Variants in NCKAP5 observed in about 807,000 individuals in gnomAD.
NCKAP5 encodes the protein nck-associated protein 5.
In NCKAP5, 92 loss-of-function variants were observed where a neutral mutation model predicts 167.0. The observed-to-expected ratio is 0.55, with a 90% CI of 0.47 to 0.66. The LOEUF is 0.66. Ranked by LOEUF, NCKAP5 falls within the 30% of genes least tolerant of loss-of-function variation. NCKAP5 has a pLI of 0.00. For synonymous variants in NCKAP5, 891 were observed against 877.4 expected (o/e 1.02, Z -0.27); for missense variants, 2,378 against 2,315.0 (o/e 1.03, Z -0.56).
chr2:133,014,342 A>G (rs1306080756), intron 6 of NCKAP5, among the ~76,000 whole-genome samples: 6 of 152,196 alleles, frequency 3.9e-5, no homozygotes, highest in African/African-American at 1.2e-4. Flanking sequence ...TTTCCCTCGT[A>G]GAATGTGACT....
Position 132,673,029 on chromosome 2 carries a change from C to A in NCKAP5, c.*260G>T. 1 of 1,003,600 alleles carries A rather than the reference C, an allele frequency of 1.0e-6. No homozygotes were observed. The highest frequency in any genetic ancestry group is 1.2e-6 in the Non-Finnish European group (1 of 847,902). 62.2% of individuals were successfully genotyped at this position (1,003,600 alleles called of 1,614,324 possible). A position where few individuals can be genotyped will look rare whatever the true frequency, so the allele number is the denominator to read the frequency against. ...ACTAAGGGAAGAGATGTCCTTTATA[C>A]ATCATTTGAACCTTGACTGGCACAG... On this transcript the variant is annotated 3_prime_UTR_variant, in exon 20 of 20. Transcript: ENST00000409261.
chr2:133,624,382 T>G, the NCKAP5 span, among the ~76,000 whole-genome samples: 2 of 152,116 alleles, frequency 1.3e-5, no homozygotes, highest in Admixed American at 1.3e-4. Flanking sequence ...TCACGTCTCA[T>G]CTCTTAGGAG....
the NCKAP5 span, among the ~76,000 whole-genome samples, chr2:133,638,933 G>A: frequency 6.6e-6 from 1 of 151,512 alleles, no homozygotes; most frequent in Non-Finnish European, 1.5e-5. Context: ...AGAAGTACTT[G>A]CAATGTGTAA....
At chr2:132,746,700 C>T (rs758721205) in intron 16 of NCKAP5, among the ~76,000 whole-genome samples, 25 of 152,096 alleles carry the variant, frequency 1.6e-4, no homozygotes, top group Non-Finnish European at 3.2e-4. Context: ...ATAATAGCCC[C>T]AACCGGAAAC....
intron 6 of NCKAP5, among the ~76,000 whole-genome samples, chr2:133,060,545 G>A (rs530666128): frequency 1.8e-4 from 27 of 152,208 alleles, no homozygotes; most frequent in African/African-American, 1.4e-4. Context: ...TCTCTCTCCC[G>A]TTTTCTAGCC....
intron 5 of NCKAP5, among the ~76,000 whole-genome samples, chr2:133,153,206 A>T (rs2083443351): frequency 6.6e-6 from 1 of 152,216 alleles, no homozygotes; most frequent in Non-Finnish European, 1.5e-5. Flanking sequence ...AATGCTGTAT[A>T]TATGACATTT....
rs1010935447 is a variant in NCKAP5 at position 132,825,441 on chromosome 2, G to A, written c.808-28712C>T. On this transcript the variant is annotated intron_variant, in intron 11 of 19. Transcript: ENST00000409261. The stretch of plus-strand genomic sequence containing the variant: ...AAGGGAGGTGACTAAGAGTTAAAAC[G>A]TTAATGGCCTCTTCAGTTACACTGA... 2.6e-5 allele frequency among the ~76,000 whole-genome samples: 4 copies of A among 152,182 alleles called. No individual in the cohort carries two copies. In the East Asian group the frequency reaches 5.8e-4, roughly 22 times the overall value.
chr2:133,585,964 G>A, the NCKAP5 span, among the ~76,000 whole-genome samples: 1 of 152,164 alleles, frequency 6.6e-6, no homozygotes, highest in African/African-American at 2.4e-5. Flanking sequence ...TCTTGGCATG[G>A]TGCTGATCAT....
chr2:133,469,865 C>A (rs961880245), intron 3 of NCKAP5, among the ~76,000 whole-genome samples: 5 of 150,776 alleles, frequency 3.3e-5, no homozygotes, highest in Non-Finnish European at 5.9e-5. Flanking sequence ...GCTCCATCAG[C>A]TCCTTTAAGC....
intron 5 of NCKAP5, among the ~76,000 whole-genome samples, chr2:133,194,399 G>C (rs1233090779): frequency 6.6e-6 from 1 of 151,954 alleles, no homozygotes; most frequent in Non-Finnish European, 1.5e-5. Context: ...CATACGGTAG[G>C]AACAATACTT....
Position 132,967,881 on chromosome 2 carries a change from T to C in NCKAP5, c.430-4012A>G, listed in dbSNP as rs377728517. 1.4e-4 allele frequency among the ~76,000 whole-genome samples: 21 copies of C among 152,300 alleles called. No homozygotes were observed. In the East Asian group the frequency reaches 2.7e-3, roughly 20 times the overall value. ...TAGAGAGTGGTGTGGTTAGGGGCAA[T>C]GTTAGATGTGCTAACAACAGAGTGA... On this transcript the variant is annotated intron_variant, in intron 7 of 19. Coordinates refer to ENST00000409261, the MANE Select transcript of NCKAP5 (RefSeq NM_207363.3).
intron 7 of NCKAP5, among the ~76,000 whole-genome samples, chr2:132,987,996 G>A (rs909544598): frequency 6.6e-6 from 1 of 152,152 alleles, no homozygotes; most frequent in Non-Finnish European, 1.5e-5. Flanking sequence ...CATAGTGACT[G>A]GTACACTGCA....
At chr2:133,114,464 C>G (rs560760294) in intron 6 of NCKAP5, among the ~76,000 whole-genome samples, 18 of 152,254 alleles carry the variant, frequency 1.2e-4, no homozygotes, top group Admixed American at 9.2e-4. Flanking sequence ...ATAGGTATGT[C>G]TTTTAAATAT....
intron 3 of NCKAP5, among the ~76,000 whole-genome samples, chr2:133,508,247 T>C (rs16826003): frequency 0.076 from 11,597 of 152,178 alleles, 682 homozygotes; most frequent in East Asian, 0.3. Context: ...TCTCAATAAA[T>C]TTCTGCTTCA....
At chr2:132,950,588 A>T (rs2149141953) in intron 8 of NCKAP5, among the ~76,000 whole-genome samples, 1 of 152,318 alleles carries the variant, frequency 6.6e-6, no homozygotes, top group South Asian at 2.1e-4. Context: ...AAAAGGAAAA[A>T]GGCTGTTTGT....
chr2:133,634,916 G>A, the NCKAP5 span, among the ~76,000 whole-genome samples: 1 of 150,854 alleles, frequency 6.6e-6, no homozygotes, highest in Admixed American at 6.6e-5. Context: ...CACCCAGGTT[G>A]GAATACAGTG....
intron 2 of NCKAP5, among the ~76,000 whole-genome samples, chr2:133,548,766 G>A (rs1686990730): frequency 6.6e-6 from 1 of 152,184 alleles, no homozygotes; most frequent in South Asian, 2.1e-4. Context: ...ACCAGCCGCT[G>A]CAAAATCATG....
intron 8 of NCKAP5, among the ~76,000 whole-genome samples, chr2:132,895,545 G>A (rs959285580): frequency 2.6e-5 from 4 of 152,068 alleles, no homozygotes; most frequent in South Asian, 2.1e-4. Context: ...AAGAAGCCAG[G>A]GCTGGAGTCA....
intron 5 of NCKAP5, among the ~76,000 whole-genome samples, chr2:133,209,894 G>A (rs2086129236): frequency 6.6e-6 from 1 of 152,104 alleles, no homozygotes; most frequent in Non-Finnish European, 1.5e-5. Context: ...TCAGCCAGGT[G>A]TGGTGGCTTA....
Sources: gnomAD v4.1 joint callset for allele counts (sites outside exome capture counted in the v4.1 genomes callset) on GRCh38, gnomAD v4.1.1 for gene constraint, MANE v1.5 for transcripts, NCBI Gene and HGNC (gene_info 2026-07-23, HGNC 2026-07-21) for gene names.